GALNT18: variants seen among roughly 807,000 people sequenced by gnomAD.
GALNT18 encodes the protein GalNAc-transferase 18.
GALNT18 carries 44 observed loss-of-function variants against 69.5 expected under a neutral mutation model. The observed-to-expected ratio is 0.63, with a 90% CI of 0.50 to 0.81. The LOEUF (loss-of-function observed/expected upper bound fraction) is 0.81. Ranked by LOEUF, GALNT18 falls within the 40% of genes least tolerant of loss-of-function variation. The probability of loss-of-function intolerance (pLI) is 0.00; values close to 1 mark genes in which losing one functional copy is unlikely to be tolerated. For missense variants in GALNT18, 715 were observed against 810.0 expected, an observed-to-expected ratio of 0.88 and a Z score of 1.42; for synonymous variants, 364 against 318.2, an observed-to-expected ratio of 1.14 and a Z score of -1.53.
Position 11,343,082 on chromosome 11 carries a change from G to A in GALNT18, c.1093-2078C>T, listed in dbSNP as rs183422383. Among the ~76,000 whole-genome samples, 10 of 152,280 alleles carry A rather than the reference G, an allele frequency of 6.6e-5. No individual in the cohort carries two copies. The East Asian group carries it at 1.5e-3, about 24-fold the overall frequency. ...TCCCTTGCCAGTTGCGGTGGCTCACGCATGTAATCCCAGCACTTTGGGAGG... is the reference window on the plus strand; with the variant it reads ...TCCCTTGCCAGTTGCGGTGGCTCACACATGTAATCCCAGCACTTTGGGAGG... On this transcript the variant is annotated intron_variant, in intron 6 of 10. Transcript: ENST00000227756.
At chr11:11,545,238 A>C (rs1173115112) in intron 1 of GALNT18, among the ~76,000 whole-genome samples, 6 of 152,244 alleles carry the variant, frequency 3.9e-5, no homozygotes, top group Non-Finnish European at 8.8e-5. Flanking sequence ...CCAACATTCC[A>C]TGCTGCTTCT....
chr11:11,474,783 T>C (rs1314410869), intron 1 of GALNT18, among the ~76,000 whole-genome samples: 3 of 151,986 alleles, frequency 2.0e-5, no homozygotes, highest in Admixed American at 1.3e-4. Flanking sequence ...ATGGGAAGAG[T>C]TGCTGCAGTG....
intron 1 of GALNT18, among the ~76,000 whole-genome samples, chr11:11,558,226 G>A (rs1023438775): frequency 6.6e-6 from 1 of 152,132 alleles, no homozygotes; most frequent in Non-Finnish European, 1.5e-5. Flanking sequence ...TATGATCAAG[G>A]TGTACTCTTA....
chr11:11,422,859 T>C (rs151209283), intron 3 of GALNT18, among the ~76,000 whole-genome samples: 32 of 152,276 alleles, frequency 2.1e-4, no homozygotes, highest in African/African-American at 7.0e-4. Context: ...TTGACTTTCT[T>C]ACCAACAATT....
At chr11:11,521,211 C>T (rs1271169041) in intron 1 of GALNT18, among the ~76,000 whole-genome samples, 1 of 152,080 alleles carries the variant, frequency 6.6e-6, no homozygotes, top group Non-Finnish European at 1.5e-5. Flanking sequence ...CTCCACCTCA[C>T]TAGCGAGCTA....
intron 1 of GALNT18, among the ~76,000 whole-genome samples, chr11:11,451,327 G>A (rs1327669929): frequency 6.6e-6 from 1 of 152,202 alleles, no homozygotes. Flanking sequence ...TAAAAGAAAT[G>A]TAGTTTTATT....
intron 6 of GALNT18, chr11:11,352,840 T>C (rs1850444877): frequency 6.2e-7 from 1 of 1,614,256 alleles, no homozygotes; most frequent in Non-Finnish European, 8.5e-7. Flanking sequence ...AGTGTGATGA[T>C]GTTGGGACCT....
intron 3 of GALNT18, among the ~76,000 whole-genome samples, chr11:11,423,777 C>T (rs1855065429): frequency 6.6e-6 from 1 of 152,076 alleles, no homozygotes; most frequent in African/African-American, 2.4e-5. Context: ...ACAGTCAAAT[C>T]GCACCTCTGT....
chr11:11,383,629 A>G lies in GALNT18; in HGVS notation c.596-4365T>C, dbSNP rs775572665. 9.2e-5 allele frequency among the ~76,000 whole-genome samples: 14 copies of G among 152,166 alleles called. No homozygotes were observed. Among genetic ancestry groups the G allele is most frequent in the Non-Finnish European group, 1.5e-4 (10 of 68,032 alleles). On this transcript the variant is annotated intron_variant, in intron 3 of 10. Coordinates refer to ENST00000227756, the MANE Select transcript of GALNT18 (RefSeq NM_198516.3). This position sits in a 1 kb window ranked among gnomAD's most constrained non-coding sequence, Gnocchi z 5.2. ...GAAGTGAGAGTTCACCCATTCATTC[A>G]TTCATTCATTCAACAAATATTGAAC...
At chr11:11,345,243 T>A (rs931973765) in intron 6 of GALNT18, among the ~76,000 whole-genome samples, 3 of 152,232 alleles carry the variant, frequency 2.0e-5, no homozygotes, top group South Asian at 2.1e-4. Context: ...CTTGGCAGCA[T>A]CTGGGCTTTG....
At chr11:11,521,251 A>G (rs61626618) in intron 1 of GALNT18, among the ~76,000 whole-genome samples, 3,343 of 152,212 alleles carry the variant, frequency 0.022, 122 homozygotes, top group African/African-American at 0.077. Flanking sequence ...AAAGATCACC[A>G]CTATCTGGAT....
chr11:11,560,036 AGGATG>A (rs774764493), intron 1 of GALNT18, among the ~76,000 whole-genome samples: 4 of 143,672 alleles, frequency 2.8e-5, no homozygotes, highest in African/African-American at 5.1e-5. Flanking sequence ...GGGATAGGAT[AGGATG>A]GGATGGGATG....
At chr11:11,304,324 T>G (rs7947264) in intron 9 of GALNT18, among the ~76,000 whole-genome samples, 75,121 of 152,028 alleles carry the variant, frequency 0.49, 18,607 homozygotes, top group Middle Eastern at 0.57. Flanking sequence ...TATTTGTTGT[T>G]GATAATGACC....
intron 1 of GALNT18, among the ~76,000 whole-genome samples, chr11:11,567,183 C>A (rs969648623): frequency 2.6e-5 from 4 of 152,154 alleles, no homozygotes; most frequent in Non-Finnish European, 4.4e-5. Flanking sequence ...CACCTGGAAG[C>A]CTATAGGTGA....
intron 1 of GALNT18, among the ~76,000 whole-genome samples, chr11:11,577,666 A>G: frequency 6.6e-6 from 1 of 152,186 alleles, no homozygotes; most frequent in East Asian, 1.9e-4. Context: ...TCGATTCAGA[A>G]GGGCTGGAGG....
At position 11,600,334 on chromosome 11, in the gene GALNT18, T is replaced by G. The variant is rs1289415404; in HGVS notation, c.235+21025A>C. The stretch of plus-strand genomic sequence containing the variant: ...TAAGATGGACCTGATAACAACAAAT[T>G]CTGTTTTTGTTTTTCTGGTAATGAC... On this transcript the variant is annotated intron_variant, in intron 1 of 10. Coordinates refer to ENST00000227756, the MANE Select transcript of GALNT18 (RefSeq NM_198516.3). The surrounding 1 kb of genome is among the most constrained non-coding windows in gnomAD (Gnocchi z 4.8). Among the ~76,000 whole-genome samples, 1 of 152,100 alleles carries G rather than the reference T, an allele frequency of 6.6e-6. No individual in the cohort carries two copies. Among genetic ancestry groups the G allele is most frequent in the African/African-American group, 2.4e-5 (1 of 41,456 alleles).
intron 3 of GALNT18, among the ~76,000 whole-genome samples, chr11:11,399,462 G>A (rs1169293244): frequency 6.9e-6 from 1 of 145,652 alleles, no homozygotes; most frequent in East Asian, 2.0e-4. Flanking sequence ...CTTCAGCCCA[G>A]CATAGTTTTT....
intron 3 of GALNT18, among the ~76,000 whole-genome samples, chr11:11,400,069 C>T (rs1854425348): frequency 2.0e-5 from 3 of 152,148 alleles, no homozygotes; most frequent in Admixed American, 6.5e-5. Context: ...GATGATGTGT[C>T]ACTTCTGAGA....
chr11:11,445,814 G>A (rs1855637163), intron 2 of GALNT18, among the ~76,000 whole-genome samples: 1 of 152,166 alleles, frequency 6.6e-6, no homozygotes, highest in East Asian at 1.9e-4. Context: ...AGGTGTGGAA[G>A]CTCCACAGAC....
Sources: gnomAD v4.1 joint callset for allele counts (sites outside exome capture counted in the v4.1 genomes callset) on GRCh38, gnomAD v4.1.1 for gene constraint, Gnocchi (gnomAD v3.1) non-coding constraint, MANE v1.5 for transcripts, NCBI Gene and HGNC (gene_info 2026-07-23, HGNC 2026-07-21) for gene names.